Variants in CAPZB observed in about 807,000 individuals in gnomAD.
CAPZB encodes the protein F-actin-capping protein subunit beta.
A neutral mutation model predicts 38.1 loss-of-function variants in CAPZB; 2 were observed. The ratio of observed to expected loss-of-function variants is 0.05; its 90% CI spans 0.02 to 0.17. The LOEUF (loss-of-function observed/expected upper bound fraction) is 0.17, where lower values mean the gene tolerates loss of function less well. CAPZB is among the 10% of genes least tolerant of loss of function. The pLI, the probability that CAPZB is intolerant of heterozygous loss-of-function variation, is 1.00. For missense variants in CAPZB, 161 were observed against 334.2 expected (o/e 0.48, Z 4.04); for synonymous variants, 107 against 127.4 (o/e 0.84, Z 1.08).
At chr1:19,382,355 AG>A (rs946644544) in intron 3 of CAPZB, among the ~76,000 whole-genome samples, 1 of 152,222 alleles carries the variant, frequency 6.6e-6, no homozygotes, top group Non-Finnish European at 1.5e-5. Flanking sequence ...GAAAAAAGAC[AG>A]ATGGACAGGA....
intron 2 of CAPZB, among the ~76,000 whole-genome samples, chr1:19,386,132 C>A (rs2094202746): frequency 6.6e-6 from 1 of 152,230 alleles, no homozygotes; most frequent in South Asian, 2.1e-4. Flanking sequence ...CTTGTAGAGT[C>A]AACTCTATCT....
chr1:19,400,961 A>G (rs1219450625), intron 2 of CAPZB, among the ~76,000 whole-genome samples: 1 of 152,158 alleles, frequency 6.6e-6, no homozygotes, highest in Admixed American at 6.5e-5. Flanking sequence ...ACTGTTGCAC[A>G]TTGAACAGGA....
chr1:19,470,539 G>A (rs1558291238), intron 1 of CAPZB, among the ~76,000 whole-genome samples: 1 of 152,228 alleles, frequency 6.6e-6, no homozygotes, highest in Non-Finnish European at 1.5e-5. Context: ...ACAGGCCTAA[G>A]TTTATGTGGC....
At chr1:19,393,618 C>T (rs2094249916) in intron 2 of CAPZB, among the ~76,000 whole-genome samples, 1 of 152,222 alleles carries the variant, frequency 6.6e-6, no homozygotes. Flanking sequence ...CGAGCTGCCC[C>T]CATCCCCAGT....
Position 19,450,347 on chromosome 1 carries a change from A to G in CAPZB, c.4-30597T>C, listed in dbSNP as rs934802489. On this transcript the variant is annotated intron_variant, in intron 1 of 8. Coordinates refer to ENST00000264202, the MANE Select transcript of CAPZB (RefSeq NM_004930.5). ...ACTTACTGGTTGAGAATCCCAAATC[A>G]GAAAATCCAAAATCCATGTCCCAAA... Among the ~76,000 whole-genome samples the G allele has an allele frequency of 2.6e-5, 4 of 152,158 alleles. No homozygotes were observed. In the South Asian group the frequency reaches 8.3e-4, roughly 32 times the overall value.
intron 1 of CAPZB, among the ~76,000 whole-genome samples, chr1:19,446,337 G>A (rs926560960): frequency 1.4e-4 from 21 of 152,274 alleles, no homozygotes; most frequent in South Asian, 4.1e-4. Context: ...ACTCAATTAC[G>A]GTGAAAAGCC....
chr1:19,445,770 A>C (rs1558268287), intron 1 of CAPZB, among the ~76,000 whole-genome samples: 1 of 152,206 alleles, frequency 6.6e-6, no homozygotes, highest in Non-Finnish European at 1.5e-5. Context: ...CCAAAATTGG[A>C]TTGTGGTTAT....
chr1:19,343,413 A>T (rs116597269), intron 8 of CAPZB, among the ~76,000 whole-genome samples: 1,556 of 152,312 alleles, frequency 0.01, 25 homozygotes, highest in African/African-American at 0.035. Context: ...TGAGAGCTAC[A>T]CCACGGCAGT....
At chr1:19,443,670 T>A (rs1570284826) in intron 1 of CAPZB, among the ~76,000 whole-genome samples, 1 of 152,206 alleles carries the variant, frequency 6.6e-6, no homozygotes, top group East Asian at 1.9e-4. Context: ...TGACACTCAG[T>A]GTCTCCGGTG....
At chr1:19,348,173 T>A (rs1421506016) in intron 6 of CAPZB, among the ~76,000 whole-genome samples, 5 of 152,150 alleles carry the variant, frequency 3.3e-5, no homozygotes, top group Non-Finnish European at 7.3e-5. Context: ...CAGCTGCCAG[T>A]TTCCATTGCT....
At chr1:19,391,135 T>C (rs2094232144) in intron 2 of CAPZB, among the ~76,000 whole-genome samples, 1 of 152,048 alleles carries the variant, frequency 6.6e-6, no homozygotes. Context: ...AAATCAGAAG[T>C]TTCCGGCCAC....
At chr1:19,372,619 T>C (rs1365116746) in intron 4 of CAPZB, among the ~76,000 whole-genome samples, 1 of 152,202 alleles carries the variant, frequency 6.6e-6, no homozygotes, top group African/African-American at 2.4e-5. Context: ...TCTAAGTCTC[T>C]CCCAAGAAAG....
chr1:19,358,534 G>C (rs1329847071), intron 4 of CAPZB, among the ~76,000 whole-genome samples: 1 of 152,242 alleles, frequency 6.6e-6, no homozygotes, highest in African/African-American at 2.4e-5. Flanking sequence ...ATGGGAATCA[G>C]TCTGGGATCC....
chr1:19,352,895 GGA>G (rs1249188331), intron 6 of CAPZB, among the ~76,000 whole-genome samples: 1 of 152,260 alleles, frequency 6.6e-6, no homozygotes, highest in Non-Finnish European at 1.5e-5. Context: ...CACGTGCCCA[GGA>G]GAGTGGCGCT....
chr1:19,443,543 C>T (rs1048226912), intron 1 of CAPZB, among the ~76,000 whole-genome samples: 10 of 152,184 alleles, frequency 6.6e-5, no homozygotes, highest in Non-Finnish European at 1.0e-4. Flanking sequence ...TGGTCCACAG[C>T]TGCCTTGGAA....
At chr1:19,482,402 A>T (rs931688430) in intron 1 of CAPZB, among the ~76,000 whole-genome samples, 3 of 152,246 alleles carry the variant, frequency 2.0e-5, no homozygotes, top group Admixed American at 6.5e-5. Context: ...CCAAGTTCCC[A>T]TCAGCTCCTG....
chr1:19,360,424 A>C (rs958927381), intron 4 of CAPZB, among the ~76,000 whole-genome samples: 1 of 152,240 alleles, frequency 6.6e-6, no homozygotes. Flanking sequence ...CTTGCAGCCC[A>C]GGGGCATTTC....
chr1:19,484,499 G>A, intron 1 of CAPZB: 1 of 1,393,568 alleles, frequency 7.2e-7, no homozygotes, highest in South Asian at 1.4e-5. Context: ...AGAGCAGCGC[G>A]CTGCCTTCTG....
intron 2 of CAPZB, among the ~76,000 whole-genome samples, chr1:19,406,590 C>T (rs1298759218): frequency 3.9e-5 from 6 of 152,154 alleles, no homozygotes; most frequent in African/African-American, 9.7e-5. Context: ...AACAGCGTGA[C>T]GGAGAAGACA....
Sources: gnomAD v4.1 joint callset for allele counts (sites outside exome capture counted in the v4.1 genomes callset) on GRCh38, gnomAD v4.1.1 for gene constraint, MANE v1.5 for transcripts, NCBI Gene and HGNC (gene_info 2026-07-23, HGNC 2026-07-21) for gene names.